DYNC2LI1: variants seen among roughly 807,000 people sequenced by gnomAD.
The protein encoded by DYNC2LI1 is dynein cytoplasmic 2 light intermediate chain 1, also known as cytoplasmic dynein 2 light intermediate chain 1.
DYNC2LI1 carries 45 observed loss-of-function variants against 51.9 expected under a neutral mutation model. That is an observed-to-expected ratio of 0.87 (90% CI 0.68 to 1.11). The LOEUF (loss-of-function observed/expected upper bound fraction) is 1.11, where lower values mean the gene tolerates loss of function less well. Ranked by LOEUF, DYNC2LI1 falls within the 50% of genes most tolerant of loss-of-function variation. The pLI is 0.00. For missense variants in DYNC2LI1, 490 were observed against 417.4 expected (o/e 1.17, Z -1.51); for synonymous variants, 130 against 137.8 (o/e 0.94, Z 0.40).
chr2:43,793,041 G>T, intron 5 of DYNC2LI1: 1 of 312,536 alleles, frequency 3.2e-6, no homozygotes, highest in Non-Finnish European at 5.7e-6. Context: ...TGGATCATCT[G>T]GTAATTCTAT....
intron 5 of DYNC2LI1, 152 bp from the exon 6 acceptor site, chr2:43,794,305 G>T (rs1673928223): frequency 1.3e-6 from 1 of 788,290 alleles, no homozygotes; most frequent in East Asian, 2.7e-5. Flanking sequence ...TATGACTTTG[G>T]TTTTTTGTTT....
downstream of DYNC2LI1, among the ~76,000 whole-genome samples, chr2:43,814,158 T>A (rs1348801100): frequency 6.6e-6 from 1 of 152,202 alleles, no homozygotes; most frequent in Non-Finnish European, 1.5e-5. Flanking sequence ...CACTTCAGCC[T>A]GCTTGAATGT....
At chr2:43,775,474 G>GT (rs966985507) in intron 1 of DYNC2LI1, among the ~76,000 whole-genome samples, 17 of 147,342 alleles carry the variant, frequency 1.2e-4, no homozygotes, top group South Asian at 2.1e-4. Flanking sequence ...TGGTTTTAGG[G>GT]TTTTTTTTTC....
Position 43,804,701 on chromosome 2 carries a change from T to G in DYNC2LI1, c.862T>G (p.Leu288Val), listed in dbSNP as rs769448842. 1 of 1,605,090 alleles carries G rather than the reference T, an allele frequency of 6.2e-7. No individual in the cohort carries two copies. The highest frequency in any genetic ancestry group is 8.5e-7 in the Non-Finnish European group (1 of 1,176,792). ...GCTTCATGCCCACTCACCTATGGAG[T>G]TGTGGAAAAAAGTGTATGAAAAGCT... ...GKLHAHSPME[L>V]WKKVYEKLFP... The change falls in exon 11 of 13, where the codon TTG (leucine) becomes GTG (valine). Residue 288 changes from leucine (L) to valine (V), a missense_variant. Leu to Val is a conservative substitution (Grantham distance 32). Transcript: ENST00000260605.
chr2:43,820,494 G>A, the DYNC2LI1 span, among the ~76,000 whole-genome samples: 1 of 151,980 alleles, frequency 6.6e-6, no homozygotes, highest in Non-Finnish European at 1.5e-5. Flanking sequence ...CACCCAACCC[G>A]CTTCCCAGCA....
chr2:43,811,083 T>C (rs1299086291), downstream of DYNC2LI1, among the ~76,000 whole-genome samples: 2 of 152,170 alleles, frequency 1.3e-5, no homozygotes, highest in African/African-American at 4.8e-5. Context: ...TGCATATGAA[T>C]AGTAGAAAAT....
At chr2:43,797,471 A>T (rs560953686) in intron 8 of DYNC2LI1, among the ~76,000 whole-genome samples, 2 of 151,700 alleles carry the variant, frequency 1.3e-5, no homozygotes, top group Non-Finnish European at 2.9e-5. Context: ...CCATAGCAGG[A>T]CTAAACTTTA....
intron 2 of DYNC2LI1, among the ~76,000 whole-genome samples, chr2:43,778,727 T>C (rs947844061): frequency 6.6e-6 from 1 of 152,134 alleles, no homozygotes; most frequent in Non-Finnish European, 1.5e-5. Flanking sequence ...CCCCTACCAG[T>C]ATCCTCTTAG....
intron 12 of DYNC2LI1, among the ~76,000 whole-genome samples, chr2:43,806,302 G>T (rs943170161): frequency 3.9e-5 from 6 of 152,308 alleles, no homozygotes; most frequent in African/African-American, 1.4e-4. Flanking sequence ...TAGATCGAAA[G>T]CCCCAGCAAC....
intron 5 of DYNC2LI1, chr2:43,793,965 T>C (rs1673913232): frequency 6.5e-6 from 1 of 153,482 alleles, no homozygotes; most frequent in African/African-American, 2.4e-5. Context: ...TGCCTCAGAC[T>C]TCTAATCTAT....
chr2:43,783,919 A>G (rs1248919189), intron 3 of DYNC2LI1, among the ~76,000 whole-genome samples: 1 of 152,180 alleles, frequency 6.6e-6, no homozygotes, highest in African/African-American at 2.4e-5. Flanking sequence ...TCAGGGGTAC[A>G]TTTTTGAAGC....
At position 43,774,229 on chromosome 2, in the gene DYNC2LI1, G is replaced by C. The variant is rs1404973563; in HGVS notation, c.8+83G>C. 4 of 1,578,694 alleles carry C rather than the reference G, an allele frequency of 2.5e-6. No individual in the cohort carries two copies. The East Asian group carries it at 9.3e-5, about 37-fold the overall frequency. On this transcript the variant is annotated intron_variant, in intron 1 of 12. Transcript: ENST00000260605. The stretch of plus-strand genomic sequence containing the variant: ...GAAGCCCAGGCGGGACCAGCTGTTG[G>C]AAGATTGTGGGGGTGGCTACTTGCC...
chr2:43,801,788 C>A, intron 10 of DYNC2LI1, 79 bp downstream of exon 10: 2 of 979,542 alleles, frequency 2.0e-6, no homozygotes, highest in Non-Finnish European at 3.1e-6. Flanking sequence ...CACTTTGTCT[C>A]CAACATACTC....
chr2:43,804,059 C>T (rs1241508419), intron 10 of DYNC2LI1, among the ~76,000 whole-genome samples: 1 of 152,112 alleles, frequency 6.6e-6, no homozygotes, highest in African/African-American at 2.4e-5. Context: ...CAGTCTATAT[C>T]ATTTTGGAAT....
the DYNC2LI1 span, among the ~76,000 whole-genome samples, chr2:43,818,449 A>G: frequency 6.6e-5 from 10 of 152,118 alleles, no homozygotes; most frequent in East Asian, 1.7e-3. Flanking sequence ...GTTTCAAAAA[A>G]ACAAAAACAA....
intron 7 of DYNC2LI1, among the ~76,000 whole-genome samples, chr2:43,796,309 G>C (rs1401219909): frequency 6.7e-6 from 1 of 150,086 alleles, no homozygotes; most frequent in Non-Finnish European, 1.5e-5. Context: ...CTCCAGCCTG[G>C]GTTACACAGT....
intron 12 of DYNC2LI1, among the ~76,000 whole-genome samples, chr2:43,805,755 C>T (rs937347438): frequency 5.3e-5 from 8 of 152,166 alleles, no homozygotes; most frequent in African/African-American, 1.4e-4. Context: ...CAGGAAAATG[C>T]TTAAAAGTGG....
At chr2:43,806,199 A>G (rs867212015) in intron 12 of DYNC2LI1, among the ~76,000 whole-genome samples, 4 of 152,208 alleles carry the variant, frequency 2.6e-5, no homozygotes, top group Admixed American at 6.5e-5. Flanking sequence ...TTCTAAAAAC[A>G]AACAAGCAAA....
At chr2:43,799,156 C>G (rs1410809456) in intron 8 of DYNC2LI1, among the ~76,000 whole-genome samples, 5 of 151,962 alleles carry the variant, frequency 3.3e-5, no homozygotes, top group East Asian at 1.9e-4. Flanking sequence ...TTTTAATTAG[C>G]CAGTCATCAT....
Sources: gnomAD v4.1 joint callset for allele counts (sites outside exome capture counted in the v4.1 genomes callset) on GRCh38, gnomAD v4.1.1 for gene constraint, MANE v1.5 for transcripts, NCBI Gene and HGNC (gene_info 2026-07-23, HGNC 2026-07-21) for gene names.